The following UBE2E2 variants were observed in gnomAD, a reference collection of about 807,000 sequenced individuals.
UBE2E2 encodes ubiquitin-conjugating enzyme E2 E2.
In UBE2E2, 6 loss-of-function variants were observed where a neutral mutation model predicts 24.7. The ratio of observed to expected loss-of-function variants is 0.24; its 90% confidence interval spans 0.13 to 0.48. UBE2E2 has a LOEUF of 0.48. UBE2E2 is among the 20% of genes least tolerant of loss of function. The probability of loss-of-function intolerance (pLI) is 0.99; values close to 1 mark genes in which losing one functional copy is unlikely to be tolerated. For synonymous variants in UBE2E2, 104 were observed against 83.6 expected (o/e 1.24, Z -1.33); for missense variants, 169 against 245.0 (o/e 0.69, Z 2.07).
At position 23,562,351 on chromosome 3, in the gene UBE2E2, A is replaced by G. The variant is rs528780558; in HGVS notation, c.509-27383A>G. 9.2e-5 allele frequency among the ~76,000 whole-genome samples: 14 copies of G among 152,112 alleles called. No homozygotes were observed. The East Asian group carries it at 1.7e-3, about 19-fold the overall frequency. On this transcript the variant is annotated intron_variant, in intron 5 of 5. Transcript: ENST00000396703. Reference sequence around the variant, plus strand: ...TCATGTGGTTTTTGTCTTTGGTTCTATTTATATGCTGGATTACGTTTATTG... The same window carrying G: ...TCATGTGGTTTTTGTCTTTGGTTCTGTTTATATGCTGGATTACGTTTATTG...
chr3:23,310,113 C>G (rs566687034), intron 3 of UBE2E2, among the ~76,000 whole-genome samples: 1 of 152,212 alleles, frequency 6.6e-6, no homozygotes, highest in South Asian at 2.1e-4. Context: ...TCACAGAATT[C>G]ATGGATATAT....
At chr3:23,496,451 G>T (rs995636571) in intron 3 of UBE2E2, among the ~76,000 whole-genome samples, 3 of 151,910 alleles carry the variant, frequency 2.0e-5, no homozygotes, top group African/African-American at 7.3e-5. Context: ...TTTTCTTACT[G>T]GTTTTCTTTT....
At chr3:23,446,884 G>T (rs546966333) in intron 3 of UBE2E2, among the ~76,000 whole-genome samples, 1 of 151,930 alleles carries the variant, frequency 6.6e-6, no homozygotes, top group Non-Finnish European at 1.5e-5. Context: ...AGAAGAGCGT[G>T]CTGGCATTTC....
chr3:23,276,044 G>A (rs1698368119), intron 3 of UBE2E2, among the ~76,000 whole-genome samples: 2 of 152,198 alleles, frequency 1.3e-5, no homozygotes, highest in South Asian at 2.1e-4. Context: ...GGGAAGAAAA[G>A]TAGAGACAAG....
intron 3 of UBE2E2, among the ~76,000 whole-genome samples, chr3:23,260,926 A>G (rs1697882676): frequency 6.6e-6 from 1 of 152,058 alleles, no homozygotes. Context: ...CAACGTGGCA[A>G]AACGCTGTCT....
intron 3 of UBE2E2, among the ~76,000 whole-genome samples, chr3:23,292,962 A>G (rs964628537): frequency 1.3e-5 from 2 of 152,166 alleles, no homozygotes; most frequent in African/African-American, 2.4e-5. Context: ...AATCCCAGCT[A>G]CTTGAGAGGC....
chr3:23,243,301 C>G (rs1014551572), intron 3 of UBE2E2, among the ~76,000 whole-genome samples: 4 of 152,154 alleles, frequency 2.6e-5, no homozygotes, highest in African/African-American at 9.7e-5. Context: ...TTGTTAGGCA[C>G]TTATGAGGTA....
intron 3 of UBE2E2, among the ~76,000 whole-genome samples, chr3:23,390,321 G>A (rs1020288279): frequency 2.0e-5 from 3 of 152,084 alleles, no homozygotes; most frequent in Non-Finnish European, 4.4e-5. Context: ...TGGTAGAGAC[G>A]CAAAGCAGCT....
chr3:23,377,941 C>G (rs1696562715), intron 3 of UBE2E2, among the ~76,000 whole-genome samples: 1 of 151,996 alleles, frequency 6.6e-6, no homozygotes, highest in Non-Finnish European at 1.5e-5. Flanking sequence ...CTAAAAATGA[C>G]TAGATATTAT....
At chr3:23,531,529 A>G (rs1695122838) in intron 4 of UBE2E2, among the ~76,000 whole-genome samples, 1 of 152,192 alleles carries the variant, frequency 6.6e-6, no homozygotes, top group African/African-American at 2.4e-5. Context: ...TGATATGGTC[A>G]TGTTTCACAA....
At chr3:23,266,062 C>G (rs1698039222) in intron 3 of UBE2E2, among the ~76,000 whole-genome samples, 1 of 152,180 alleles carries the variant, frequency 6.6e-6, no homozygotes, top group South Asian at 2.1e-4. Flanking sequence ...GATGGGTTCC[C>G]TGAATACAGC....
chr3:23,232,457 A>G (rs1207667431), intron 3 of UBE2E2, among the ~76,000 whole-genome samples: 1 of 152,064 alleles, frequency 6.6e-6, no homozygotes, highest in Non-Finnish European at 1.5e-5. Flanking sequence ...TTGATTATTC[A>G]TTTGTTTAGT....
chr3:23,228,507 T>C (rs1049759706), intron 3 of UBE2E2, among the ~76,000 whole-genome samples: 1 of 152,200 alleles, frequency 6.6e-6, no homozygotes, highest in African/African-American at 2.4e-5. Context: ...AACTGTATTC[T>C]TTCATGTATC....
chr3:23,205,298 C>T (rs1696116888), intron 1 of UBE2E2, among the ~76,000 whole-genome samples: 3 of 151,882 alleles, frequency 2.0e-5, no homozygotes. Flanking sequence ...GTTTATCTTC[C>T]CTGTAGATGA....
chr3:23,458,711 C>T (rs188975700), intron 3 of UBE2E2, among the ~76,000 whole-genome samples: 1 of 152,222 alleles, frequency 6.6e-6, no homozygotes, highest in Admixed American at 6.5e-5. Flanking sequence ...GCCACCGCGC[C>T]TGGCCAGAGA....
In UBE2E2 at chr3:23,407,594, T is replaced by C; in HGVS notation, c.228-92014T>C. Among the ~76,000 whole-genome samples the C allele has an allele frequency of 6.6e-6, 1 of 151,886 alleles. No homozygotes were observed. The highest frequency in any genetic ancestry group is 1.5e-5 in the Non-Finnish European group (1 of 67,974). On this transcript the variant is annotated intron_variant, in intron 3 of 5. Coordinates refer to ENST00000396703, the MANE Select transcript of UBE2E2 (RefSeq NM_152653.4). The surrounding 1 kb of genome is among the most constrained non-coding windows in gnomAD (Gnocchi z 4.0). ...CCCTCCCTCTACTTTTTATGGTTTG[T>C]ATGTTTGTTTTGGGAGGAGTGCATG...
chr3:23,271,052 A>G (rs1461312348), intron 3 of UBE2E2: 1 of 456,258 alleles, frequency 2.2e-6, no homozygotes, highest in African/African-American at 2.0e-5. Context: ...AACTATGACT[A>G]ACATACACTA....
intron 3 of UBE2E2, among the ~76,000 whole-genome samples, chr3:23,421,171 A>G (rs540701062): frequency 6.6e-6 from 1 of 152,320 alleles, no homozygotes; most frequent in Admixed American, 6.5e-5. Flanking sequence ...TCAGCTAAAT[A>G]TATCATCTGA....
chr3:23,210,422 C>T (rs1696287612), intron 2 of UBE2E2, among the ~76,000 whole-genome samples: 1 of 152,264 alleles, frequency 6.6e-6, no homozygotes, highest in East Asian at 1.9e-4. Context: ...CTGGGAGCAC[C>T]ACTATAAAAT....
Sources: allele counts gnomAD v4.1 joint callset (sites outside exome capture counted in the v4.1 genomes callset), GRCh38; gene constraint gnomAD v4.1.1; non-coding constraint Gnocchi (gnomAD v3.1); transcripts MANE v1.5; gene names NCBI Gene and HGNC (gene_info 2026-07-23, HGNC 2026-07-21).